ACSM2A: variants seen among roughly 807,000 people sequenced by gnomAD.
ACSM2A encodes the protein acyl-coenzyme A synthetase ACSM2A, mitochondrial.
Under a neutral mutation model 76.6 loss-of-function variants are expected in ACSM2A, and 72 were observed. That is an observed-to-expected ratio of 0.94 (90% CI 0.78 to 1.14). ACSM2A has a LOEUF of 1.14. Among genes scored for constraint, ACSM2A ranks in the 50% most tolerant of loss-of-function variants. The pLI is 0.00. For missense variants in ACSM2A, 684 were observed against 708.5 expected, an observed-to-expected ratio of 0.97 and a Z score of 0.39; for synonymous variants, 249 against 255.9, an observed-to-expected ratio of 0.97 and a Z score of 0.26.
intron 1 of ACSM2A, chr16:20,452,350 G>T (rs898771328): frequency 2.8e-5 from 4 of 144,890 alleles, no homozygotes; most frequent in African/African-American, 7.9e-5. Flanking sequence ...TCTTTCTTCC[G>T]TACTGGATGC....
chr16:20,474,450 C>G (rs372697427), intron 6 of ACSM2A, among the ~76,000 whole-genome samples: 1 of 152,130 alleles, frequency 6.6e-6, no homozygotes, highest in Non-Finnish European at 1.5e-5. Context: ...TGGGACTCTG[C>G]GGAGTCCCCA....
At chr16:20,477,730 G>A (rs1158917004) in intron 9 of ACSM2A, among the ~76,000 whole-genome samples, 1 of 152,074 alleles carries the variant, frequency 6.6e-6, no homozygotes, top group Non-Finnish European at 1.5e-5. Flanking sequence ...AAACAGAAAT[G>A]GGGTGAATCT....
At chr16:20,478,420 GT>G (rs1246579567) in intron 9 of ACSM2A, among the ~76,000 whole-genome samples, 155 bp from the exon 10 acceptor site, 1 of 152,184 alleles carries the variant, frequency 6.6e-6, no homozygotes, top group Non-Finnish European at 1.5e-5. Flanking sequence ...AGAGATCTGA[GT>G]TTAAGACTCT....
At chr16:20,475,306 C>T in intron 6 of ACSM2A, 56 bp from the exon 7 acceptor site, 2 of 1,612,660 alleles carry the variant, frequency 1.2e-6, no homozygotes, top group African/African-American at 2.7e-5. Flanking sequence ...CTGTGCATAG[C>T]CATAAGTTGG....
chr16:20,457,329 C>T (rs1436628469), intron 1 of ACSM2A, among the ~76,000 whole-genome samples: 1 of 151,942 alleles, frequency 6.6e-6, no homozygotes, highest in Non-Finnish European at 1.5e-5. Flanking sequence ...CCAGTATTAC[C>T]CTCATACCCA....
At chr16:20,483,639 T>G (rs2014237862) in intron 13 of ACSM2A, among the ~76,000 whole-genome samples, 1 of 119,590 alleles carries the variant, frequency 8.4e-6, no homozygotes, top group Non-Finnish European at 1.7e-5. Flanking sequence ...AAAGACAATC[T>G]AGCTTGATGC....
intron 8 of ACSM2A, chr16:20,476,866 G>A (rs2013766831): frequency 3.8e-6 from 1 of 261,352 alleles, no homozygotes; most frequent in Non-Finnish European, 6.0e-6. Flanking sequence ...ACTTTAAAAA[G>A]TATATTTTAC....
chr16:20,467,405 C>T (rs1199841915), intron 3 of ACSM2A, among the ~76,000 whole-genome samples: 1 of 151,934 alleles, frequency 6.6e-6, no homozygotes, highest in Non-Finnish European at 1.5e-5. Flanking sequence ...CATGATCCTC[C>T]TCTGTTTGGA....
At chr16:20,459,739 A>C (rs2012487756) in intron 1 of ACSM2A, among the ~76,000 whole-genome samples, 1 of 152,202 alleles carries the variant, frequency 6.6e-6, no homozygotes, top group Non-Finnish European at 1.5e-5. Flanking sequence ...AAGTCACTTG[A>C]AAATGAATGG....
intron 2 of ACSM2A, among the ~76,000 whole-genome samples, chr16:20,460,864 T>G (rs2012580921): frequency 8.0e-6 from 1 of 125,418 alleles, no homozygotes; most frequent in Non-Finnish European, 1.6e-5. Context: ...AAATCAGCAC[T>G]GAACAAAGAC....
At chr16:20,479,291 C>T (rs1060634) in intron 10 of ACSM2A, among the ~76,000 whole-genome samples, 57,110 of 152,034 alleles carry the variant, frequency 0.38, 12,099 homozygotes, top group East Asian at 0.79. Flanking sequence ...ACTAAATAAA[C>T]AATAAATCAA....
In ACSM2A at chr16:20,471,696, G is replaced by A. The variant is rs2013420847; in HGVS notation, c.894+7G>A. The A allele has an allele frequency of 6.2e-7, 1 of 1,604,466 alleles. No homozygotes were observed. Among genetic ancestry groups the A allele is most frequent in the East Asian group, 2.2e-5 (1 of 44,754 alleles). Reference sequence around the variant, plus strand: ...CCCACTGGTTATTCTAAAGGTAAGAGAGGATCCAGTTTGCAGCAGTTATTC... The same window carrying A: ...CCCACTGGTTATTCTAAAGGTAAGAAAGGATCCAGTTTGCAGCAGTTATTC... On this transcript the variant is annotated splice_region_variant and intron_variant, in intron 6 of 13. Transcript: ENST00000573854.
At chr16:20,480,478 T>C (rs1407828409) in intron 10 of ACSM2A, 95 bp from the exon 11 acceptor site, 15 of 1,527,828 alleles carry the variant, frequency 9.8e-6, no homozygotes, top group Non-Finnish European at 1.3e-5. Context: ...ACACCTGCAG[T>C]TTTAATAAGA....
intron 6 of ACSM2A, among the ~76,000 whole-genome samples, chr16:20,472,028 G>C (rs141663122): frequency 8.5e-5 from 13 of 152,238 alleles, no homozygotes; most frequent in African/African-American, 3.1e-4. Flanking sequence ...AGTATTGGAG[G>C]GGATGCCATC....
At chr16:20,485,502 A>G (rs191767253) in intron 13 of ACSM2A, among the ~76,000 whole-genome samples, 3 of 152,346 alleles carry the variant, frequency 2.0e-5, no homozygotes, top group Admixed American at 2.0e-4. Flanking sequence ...CAAATAGTAA[A>G]TATTTTAGGC....
rs956402831 is a variant in ACSM2A, at chr16:20,487,564, G to A, written c.*886G>A. The A allele has an allele frequency of 6.6e-6, 1 of 152,230 alleles. No homozygotes were observed. The highest frequency in any genetic ancestry group is 2.4e-5 in the African/African-American group (1 of 41,452). 9.4% of individuals were successfully genotyped at this position (152,230 alleles called of 1,614,324 possible). A position where few individuals can be genotyped will look rare whatever the true frequency, so the allele number is the denominator to read the frequency against. ...CATCTACAGACCTTAGATCATAGCT[G>A]TGAGAACAACGTAAGCACTGCCAAA... On this transcript the variant is annotated 3_prime_UTR_variant, in exon 14 of 14. Transcript: ENST00000573854.
chr16:20,479,878 G>T (rs1300416346), intron 10 of ACSM2A, among the ~76,000 whole-genome samples: 3 of 152,150 alleles, frequency 2.0e-5, no homozygotes, highest in African/African-American at 7.2e-5. Context: ...TGGCTGTTTA[G>T]CTTCAGACTA....
intron 1 of ACSM2A, among the ~76,000 whole-genome samples, chr16:20,451,891 G>A (rs963080324): frequency 6.8e-6 from 1 of 147,162 alleles, no homozygotes; most frequent in African/African-American, 2.5e-5. Context: ...GGAGAGACGA[G>A]GGCAGCTGGA....
rs2013251887 is a variant in ACSM2A, at chr16:20,469,625, G to C, written c.502G>C (p.Asp168His). 1 of 1,613,808 alleles carries C rather than the reference G, an allele frequency of 6.2e-7. No individual in the cohort carries two copies. Among genetic ancestry groups the C allele is most frequent in the Non-Finnish European group, 8.5e-7 (1 of 1,179,850 alleles). Reference sequence around the variant, plus strand: ...TGGGGATGAAGTCATCCAAGAAGTGGACACAGTGGCATCTGAATGTCCTTC... The same window carrying C: ...TGGGGATGAAGTCATCCAAGAAGTGCACACAGTGGCATCTGAATGTCCTTC... The part of the protein sequence containing the change: ...VAGDEVIQEV[D>H]TVASECPSLR... The change falls in exon 4 of 14, where the codon GAC becomes CAC. Residue 168 changes from aspartate to histidine, a missense_variant. By Grantham distance (81) the Asp-to-His change is moderately conservative. Coordinates refer to ENST00000573854, the MANE Select transcript of ACSM2A (RefSeq NM_001308172.2).
Sources: allele counts gnomAD v4.1 joint callset (sites outside exome capture counted in the v4.1 genomes callset), GRCh38; gene constraint gnomAD v4.1.1; transcripts MANE v1.5; gene names NCBI Gene and HGNC (gene_info 2026-07-23, HGNC 2026-07-21).